Variants in RGS6 observed in about 807,000 individuals in gnomAD.
RGS6 encodes the protein regulator of G protein signaling 6.
RGS6 carries 30 observed loss-of-function variants against 78.5 expected under a neutral mutation model. The ratio of observed to expected loss-of-function variants is 0.38; its 90% CI spans 0.29 to 0.52. The LOEUF (loss-of-function observed/expected upper bound fraction) is 0.52. Among genes scored for constraint, RGS6 ranks in the 20% least tolerant of loss-of-function variants. The probability of loss-of-function intolerance (pLI) is 0.85; values close to 1 mark genes in which losing one functional copy is unlikely to be tolerated. For missense variants in RGS6, 495 were observed against 609.7 expected (o/e 0.81, Z 1.98); for synonymous variants, 206 against 206.0 (o/e 1.00, Z 0.00).
chr14:72,102,607 C>T (rs1176597880), intron 2 of RGS6, among the ~76,000 whole-genome samples: 1 of 152,096 alleles, frequency 6.6e-6, no homozygotes, highest in East Asian at 1.9e-4. Flanking sequence ...ATGGTAGAGT[C>T]AAGATTTTAA....
At chr14:72,248,115 A>G (rs1243049249) in intron 2 of RGS6, among the ~76,000 whole-genome samples, 1 of 152,234 alleles carries the variant, frequency 6.6e-6, no homozygotes, top group African/African-American at 2.4e-5. Flanking sequence ...AGGGACTCCC[A>G]GGAGTCCTAG....
the RGS6 span, among the ~76,000 whole-genome samples, chr14:72,577,441 C>A: frequency 5.5e-3 from 834 of 152,324 alleles, 7 homozygotes; most frequent in Non-Finnish European, 8.0e-3. Context: ...TACTCTTTCT[C>A]TCCCACCTTT....
rs150185983 is a variant in RGS6 at position 72,045,831 on chromosome 14, G to C, written c.84+80956G>C. Reference sequence around the variant, plus strand: ...TTTTGGATTCCACTCTGGAGAGTAGGCCTTTATTTTTGAAACTCCTCTGGG... The same window carrying C: ...TTTTGGATTCCACTCTGGAGAGTAGCCCTTTATTTTTGAAACTCCTCTGGG... On this transcript the variant is annotated intron_variant, in intron 2 of 17. Coordinates refer to ENST00000553525, the MANE Select transcript of RGS6 (RefSeq NM_001204424.2). Among the ~76,000 whole-genome samples the C allele has an allele frequency of 2.3e-3, 351 of 152,106 alleles. 1 individual carries two copies. Among genetic ancestry groups the C allele is most frequent in the African/African-American group, 8.0e-3 (332 of 41,486 alleles).
At chr14:72,213,568 A>C (rs982861915) in intron 2 of RGS6, among the ~76,000 whole-genome samples, 3 of 152,218 alleles carry the variant, frequency 2.0e-5, no homozygotes, top group Non-Finnish European at 2.9e-5. Flanking sequence ...TCATTCCTGA[A>C]GCTAAGCAAG....
chr14:72,048,109 TGC>T (rs1197190348), intron 2 of RGS6, among the ~76,000 whole-genome samples: 3 of 152,026 alleles, frequency 2.0e-5, no homozygotes, highest in Non-Finnish European at 4.4e-5. Flanking sequence ...CAAGAGAGAC[TGC>T]GGATTCAGAC....
At chr14:72,496,281 T>C (rs187883862) in intron 13 of RGS6, among the ~76,000 whole-genome samples, 42 of 152,324 alleles carry the variant, frequency 2.8e-4, no homozygotes, top group Admixed American at 2.7e-3. Context: ...GAGTTACCAC[T>C]GGATAGTCCA....
intron 17 of RGS6, among the ~76,000 whole-genome samples, chr14:72,555,549 G>A (rs530678760): frequency 2.6e-5 from 4 of 152,308 alleles, no homozygotes; most frequent in African/African-American, 4.8e-5. Flanking sequence ...TGCCCAGTAC[G>A]GGTTGGGCAC....
intron 2 of RGS6, among the ~76,000 whole-genome samples, chr14:72,280,070 T>C (rs873671): frequency 0.56 from 85,155 of 151,950 alleles, 24,813 homozygotes; most frequent in Non-Finnish European, 0.64. Flanking sequence ...TTATCATTAT[T>C]GGAGGCAGGG....
chr14:72,599,369 CT>C, the RGS6 span, among the ~76,000 whole-genome samples: 2 of 113,228 alleles, frequency 1.8e-5, no homozygotes, highest in African/African-American at 3.6e-5. Flanking sequence ...TCTGCAATTT[CT>C]TTTTTTCTTT....
At chr14:72,157,713 C>G (rs563191037) in intron 2 of RGS6, among the ~76,000 whole-genome samples, 26 of 152,240 alleles carry the variant, frequency 1.7e-4, no homozygotes, top group Non-Finnish European at 3.4e-4. Context: ...GGAAAATGCA[C>G]TTGGCAGTCA....
chr14:72,004,235 T>C (rs2084074878), intron 2 of RGS6, among the ~76,000 whole-genome samples: 1 of 152,144 alleles, frequency 6.6e-6, no homozygotes, highest in Non-Finnish European at 1.5e-5. Flanking sequence ...TTTACTGACG[T>C]TGTAGTTCTT....
intron 2 of RGS6, among the ~76,000 whole-genome samples, chr14:72,060,018 C>T (rs1187250707): frequency 6.6e-6 from 1 of 152,166 alleles, no homozygotes; most frequent in Non-Finnish European, 1.5e-5. Context: ...CTACATTATA[C>T]ACTTTCACTA....
intron 3 of RGS6, among the ~76,000 whole-genome samples, chr14:72,428,089 G>C (rs999317308): frequency 1.3e-5 from 2 of 152,158 alleles, no homozygotes; most frequent in Non-Finnish European, 2.9e-5. Flanking sequence ...GCTAGATGGG[G>C]ACTTATCTCA....
At chr14:72,295,303 AAAAG>A (rs2152359824) in intron 2 of RGS6, among the ~76,000 whole-genome samples, 2 of 152,210 alleles carry the variant, frequency 1.3e-5, no homozygotes, top group East Asian at 1.9e-4. Flanking sequence ...AAAAAAAAAA[AAAAG>A]AACCCTTTGT....
intron 2 of RGS6, among the ~76,000 whole-genome samples, chr14:72,237,458 G>A (rs906481911): frequency 6.6e-6 from 1 of 152,130 alleles, no homozygotes; most frequent in African/African-American, 2.4e-5. Context: ...GACATGTTGG[G>A]TTTTACAGTA....
chr14:72,215,168 A>G (rs1019433571), intron 2 of RGS6, among the ~76,000 whole-genome samples: 1 of 152,194 alleles, frequency 6.6e-6, no homozygotes, highest in Non-Finnish European at 1.5e-5. Context: ...AGGGGCTGCT[A>G]TCCACTCTTC....
chr14:72,553,779 G>T (rs2097536554), intron 17 of RGS6, among the ~76,000 whole-genome samples: 2 of 152,328 alleles, frequency 1.3e-5, no homozygotes, highest in African/African-American at 2.4e-5. Context: ...CCTGGTGAAA[G>T]CTTCCATAAC....
In RGS6 at chr14:72,042,204, C is replaced by T. The variant is rs183500945; in HGVS notation, c.84+77329C>T. Among the ~76,000 whole-genome samples, 877 of 150,640 alleles carry T rather than the reference C, an allele frequency of 5.8e-3. 3 individuals carry two copies. Among genetic ancestry groups the T allele is most frequent in the African/African-American group, 7.8e-3 (321 of 41,046 alleles). On this transcript the variant is annotated intron_variant, in intron 2 of 17. Coordinates refer to ENST00000553525, the MANE Select transcript of RGS6 (RefSeq NM_001204424.2). Reference sequence around the variant, plus strand: ...GGGCAGTGGTGCAGTCTCAGTTTACCGCAACCTCTGCCTCCCAGGTTCAAG... The same window carrying T: ...GGGCAGTGGTGCAGTCTCAGTTTACTGCAACCTCTGCCTCCCAGGTTCAAG...
At chr14:72,242,368 G>T (rs963117980) in intron 2 of RGS6, among the ~76,000 whole-genome samples, 6 of 152,104 alleles carry the variant, frequency 3.9e-5, no homozygotes, top group Non-Finnish European at 8.8e-5. Flanking sequence ...TTTTTGGGAG[G>T]CTCTGCTATA....
Sources: allele counts gnomAD v4.1 joint callset (sites outside exome capture counted in the v4.1 genomes callset), GRCh38; gene constraint gnomAD v4.1.1; transcripts MANE v1.5; gene names NCBI Gene and HGNC (gene_info 2026-07-23, HGNC 2026-07-21).